The following ANO2 variants were observed in gnomAD, a reference collection of about 807,000 sequenced individuals.
ANO2 encodes the protein anoctamin-2.
Under a neutral mutation model 124.2 loss-of-function variants are expected in ANO2, and 101 were observed. That is an observed-to-expected ratio of 0.81 (90% CI 0.69 to 0.96). The LOEUF is 0.96. ANO2 is among the 40% of genes least tolerant of loss of function. The pLI, the probability that ANO2 is intolerant of heterozygous loss-of-function variation, is 0.00. For synonymous variants in ANO2, 486 were observed against 482.5 expected, an observed-to-expected ratio of 1.01 and a Z score of -0.09; for missense variants, 1,293 against 1,274.5, an observed-to-expected ratio of 1.01 and a Z score of -0.22.
In ANO2 at chr12:5,828,784, T is replaced by C. The variant is rs1256885755; in HGVS notation, c.841-964A>G. ...TAAACCTGCTGGCCAACGAGTGACCTCCTGAGTTCCCAGCCTATGCCAGTC... is the reference window on the plus strand; with the variant it reads ...TAAACCTGCTGGCCAACGAGTGACCCCCTGAGTTCCCAGCCTATGCCAGTC... On this transcript the variant is annotated intron_variant, in intron 6 of 24. Transcript: ENST00000682330. 2.0e-5 allele frequency among the ~76,000 whole-genome samples: 3 copies of C among 152,268 alleles called. No individual in the cohort carries two copies. In the East Asian group the frequency reaches 5.8e-4, roughly 29 times the overall value.
At position 5,565,630 on chromosome 12, in the gene ANO2, C is replaced by CG. The variant is rs1941702358; in HGVS notation, c.2654dup (p.Asn886GlufsTer4). ...ACTGTTTCGAAAACTCATAAGGGTTCGGGGCCCATGGCGGCTCTCGGTAAT... is the reference window on the plus strand; with the variant it reads ...ACTGTTTCGAAAACTCATAAGGGTTCGGGGGCCCATGGCGGCTCTCGGTAAT... On this transcript the variant is annotated frameshift_variant, in exon 24 of 25. Coordinates refer to ENST00000682330, the MANE Select transcript of ANO2 (RefSeq NM_001364791.2). LOFTEE classifies it high-confidence loss of function. 6.2e-7 allele frequency: 1 copy of CG among 1,604,548 alleles called. No individual in the cohort carries two copies. Among genetic ancestry groups the CG allele is most frequent in the Non-Finnish European group, 8.5e-7 (1 of 1,175,480 alleles).
intron 20 of ANO2, among the ~76,000 whole-genome samples, chr12:5,583,231 T>G (rs941388652): frequency 6.6e-6 from 1 of 152,212 alleles, no homozygotes; most frequent in African/African-American, 2.4e-5. Context: ...GAGGTAGACA[T>G]GAAGTATGAA....
At chr12:5,880,187 G>A (rs898115303) in intron 3 of ANO2, among the ~76,000 whole-genome samples, 8 of 152,176 alleles carry the variant, frequency 5.3e-5, no homozygotes, top group Admixed American at 1.3e-4. Flanking sequence ...TAAAGAAGTC[G>A]CAGGTTTTAC....
At chr12:5,688,058 C>T (rs1410462041) in intron 14 of ANO2, among the ~76,000 whole-genome samples, 1 of 152,182 alleles carries the variant, frequency 6.6e-6, no homozygotes, top group East Asian at 1.9e-4. Flanking sequence ...ATCATCACCC[C>T]ACGCTCTCTT....
chr12:5,715,870 A>G (rs1047451795), intron 14 of ANO2, among the ~76,000 whole-genome samples: 1 of 152,228 alleles, frequency 6.6e-6, no homozygotes, highest in Non-Finnish European at 1.5e-5. Flanking sequence ...GGAGAAAAAC[A>G]TAAGCACAAG....
chr12:5,651,706 T>C (rs1357734651), intron 14 of ANO2, among the ~76,000 whole-genome samples: 1 of 152,224 alleles, frequency 6.6e-6, no homozygotes, highest in East Asian at 1.9e-4. Flanking sequence ...CATAGAACAA[T>C]ACCATCACTT....
chr12:5,936,913 A>G (rs762054675), intron 1 of ANO2, among the ~76,000 whole-genome samples: 2 of 152,194 alleles, frequency 1.3e-5, no homozygotes, highest in Non-Finnish European at 2.9e-5. Context: ...TTTATAGAAT[A>G]TTTACTTGGA....
At chr12:5,751,379 CAA>C (rs1951434461) in intron 10 of ANO2, among the ~76,000 whole-genome samples, 1 of 152,190 alleles carries the variant, frequency 6.6e-6, no homozygotes. Context: ...CTTATTTAAA[CAA>C]AACACACAGA....
chr12:5,578,528 A>G lies in ANO2; in HGVS notation c.2234-10T>C, dbSNP rs1417797765. The G allele has an allele frequency of 1.2e-6, 2 of 1,611,220 alleles. No homozygotes were observed. Among genetic ancestry groups the G allele is most frequent in the Non-Finnish European group, 1.7e-6 (2 of 1,178,790 alleles). The stretch of plus-strand genomic sequence containing the variant: ...AAACCAAACTGGATGACTGCGAGAG[A>G]GCACAGCATGAGGGCTTCAGCAGGA... On this transcript the variant is annotated splice_polypyrimidine_tract_variant and intron_variant, in intron 20 of 24. Coordinates refer to ENST00000682330, the MANE Select transcript of ANO2 (RefSeq NM_001364791.2).
chr12:5,823,670 C>G (rs1471807863), intron 7 of ANO2, among the ~76,000 whole-genome samples: 1 of 152,232 alleles, frequency 6.6e-6, no homozygotes, highest in African/African-American at 2.4e-5. Flanking sequence ...ATCTACTATT[C>G]TGGGTTCTGG....
At chr12:5,598,409 G>A (rs1247624098) in intron 20 of ANO2, among the ~76,000 whole-genome samples, 3 of 46,296 alleles carry the variant, frequency 6.5e-5, no homozygotes, top group Non-Finnish European at 1.8e-4. Flanking sequence ...CCAGGCTGGA[G>A]TAGTGACACA....
chr12:5,848,365 CT>C (rs113992278), intron 4 of ANO2, among the ~76,000 whole-genome samples: 21,992 of 149,244 alleles, frequency 0.15, 1,769 homozygotes, highest in Non-Finnish European at 0.18. Flanking sequence ...ACTTCCCCCC[CT>C]CCCCAGTTAC....
intron 10 of ANO2, among the ~76,000 whole-genome samples, chr12:5,779,634 A>G (rs922349730): frequency 1.3e-5 from 2 of 152,216 alleles, no homozygotes; most frequent in Admixed American, 1.3e-4. Context: ...GGAATCTGGC[A>G]GAGACTGTCA....
intron 1 of ANO2, among the ~76,000 whole-genome samples, chr12:5,943,703 G>A (rs1359937194): frequency 6.6e-6 from 1 of 152,128 alleles, no homozygotes; most frequent in East Asian, 1.9e-4. Context: ...GGATTATACC[G>A]TGTACTAGAG....
upstream of ANO2, chr12:5,945,261 G>C (rs1347450544): frequency 2.3e-6 from 3 of 1,278,720 alleles, no homozygotes; most frequent in African/African-American, 4.6e-5. Flanking sequence ...CGCGCTTCTG[G>C]GCAGGCTTAT....
intron 10 of ANO2, among the ~76,000 whole-genome samples, chr12:5,768,164 C>A (rs1418307323): frequency 6.6e-6 from 1 of 152,166 alleles, no homozygotes; most frequent in Non-Finnish European, 1.5e-5. Flanking sequence ...TAGGATTCAC[C>A]CCAAAATATC....
At chr12:5,762,494 C>T (rs181845632) in intron 10 of ANO2, among the ~76,000 whole-genome samples, 2 of 151,932 alleles carry the variant, frequency 1.3e-5, no homozygotes, top group East Asian at 1.9e-4. Context: ...AGAGAAACAA[C>T]ACTATATGCA....
chr12:5,931,276 C>T (rs1169271706), intron 1 of ANO2, among the ~76,000 whole-genome samples: 1 of 152,086 alleles, frequency 6.6e-6, no homozygotes, highest in African/African-American at 2.4e-5. Context: ...CCATTACCCA[C>T]ACCATCATGC....
chr12:5,860,360 C>G (rs762129045), intron 3 of ANO2, among the ~76,000 whole-genome samples: 12 of 152,196 alleles, frequency 7.9e-5, no homozygotes, highest in Non-Finnish European at 1.8e-4. Flanking sequence ...TCATACCCTT[C>G]TTCTCTGCTA....
Sources: gnomAD v4.1 joint callset for allele counts (sites outside exome capture counted in the v4.1 genomes callset) on GRCh38, gnomAD v4.1.1 for gene constraint, MANE v1.5 for transcripts, NCBI Gene and HGNC (gene_info 2026-07-23, HGNC 2026-07-21) for gene names.